Variants in MIA3 observed in about 807,000 individuals in gnomAD.
MIA3 encodes MIA SH3 domain ER export factor 3, also known as transport and Golgi organization protein 1 homolog.
A neutral mutation model predicts 192.4 loss-of-function variants in MIA3; 90 were observed. That is an observed-to-expected ratio of 0.47 (90% CI 0.39 to 0.56). The LOEUF is 0.56. MIA3 is among the 20% of genes least tolerant of loss of function. MIA3 has a pLI of 0.00. For missense variants in MIA3, 2,123 were observed against 2,269.4 expected (o/e 0.94, Z 1.31); for synonymous variants, 740 against 792.8 (o/e 0.93, Z 1.12).
rs955903547 is a variant in MIA3, at chr1:222,659,517, A to G, written c.4770+4A>G. ...AGAGCGGTCATTTAAAAACCAGGTA[A>G]TAATTCTAGTGCCCTACTATATAGT... On this transcript the variant is annotated splice_donor_region_variant and intron_variant, in intron 20 of 27. Transcript: ENST00000344922. 1.1e-5 allele frequency: 18 copies of G among 1,613,634 alleles called. No homozygotes were observed. The highest frequency in any genetic ancestry group is 1.7e-5 in the Admixed American group (1 of 59,998).
In MIA3 at chr1:222,627,874, T is replaced by C; in HGVS notation, c.654T>C (p.Asn218=). The change falls in exon 4 of 28, where the codon AAT becomes AAC. Residue 218 remains asparagine (N), a synonymous_variant. Coordinates refer to ENST00000344922, the MANE Select transcript of MIA3 (RefSeq NM_198551.4). ...ACTCCCATGCAAACAGCCAAGCAAA[T>C]CATGCTCAGGGAGAGCAGGCTTCAT... ...KHHSHANSQA[N]HAQGEQASFE... 1 of 1,614,026 alleles carries C rather than the reference T, an allele frequency of 6.2e-7. No homozygotes were observed. Among genetic ancestry groups the C allele is most frequent in the Non-Finnish European group, 8.5e-7 (1 of 1,180,004 alleles).
At chr1:222,622,212 T>A (rs1341343735) in intron 2 of MIA3, among the ~76,000 whole-genome samples, 3 of 152,164 alleles carry the variant, frequency 2.0e-5, no homozygotes, top group Non-Finnish European at 4.4e-5. Context: ...ATTTTATGGG[T>A]ACCCTGCTAT....
chr1:222,664,947 A>G, intron 27 of MIA3: 1 of 469,588 alleles, frequency 2.1e-6, no homozygotes, highest in Non-Finnish European at 4.4e-6. Flanking sequence ...GAATCCCAGC[A>G]TTCATTAGAC....
At chr1:222,650,521 C>T (rs2124903018) in intron 9 of MIA3, 113 bp from the exon 10 acceptor site, 2 of 866,192 alleles carry the variant, frequency 2.3e-6, no homozygotes, top group Middle Eastern at 3.2e-4. Flanking sequence ...AGATCTTAAG[C>T]AGTCATATGT....
In MIA3 at chr1:222,618,183, G is replaced by A. The variant is rs1558167442; in HGVS notation, c.73G>A (p.Asp25Asn). Residue 25 changes from aspartate (D) to asparagine (N), a missense_variant, in exon 1 of 28, where the codon GAC becomes AAC. Physicochemically the swap from Asp to Asn is conservative, Grantham distance 23 (BLOSUM62 1). Around this residue, in one of 3 missense-constraint regions of MIA3, gnomAD observed 1,357 missense variants for 1,396.1 expected, o/e 0.97. Transcript: ENST00000344922. ...GCCCTGGCGGGTGCCGGGCCAGCTGGACCCCAGCACTGGCCGGCGGTTCTC... is the reference window on the plus strand; with the variant it reads ...GCCCTGGCGGGTGCCGGGCCAGCTGAACCCCAGCACTGGCCGGCGGTTCTC... ...RLPWRVPGQL[D>N]PSTGRRFSEH... is the part of the protein sequence containing the mutation. The A allele has an allele frequency of 5.3e-6, 8 of 1,503,090 alleles. No individual in the cohort carries two copies. Among genetic ancestry groups the A allele is most frequent in the South Asian group, 1.2e-5 (1 of 80,826 alleles). 93.1% of individuals were successfully genotyped at this position (1,503,090 alleles called of 1,614,324 possible). A position where few individuals can be genotyped will look rare whatever the true frequency, so the allele number is the denominator to read the frequency against.
chr1:222,645,742 A>G, intron 7 of MIA3, 57 bp downstream of exon 7: 1 of 1,478,816 alleles, frequency 6.8e-7, no homozygotes, highest in Non-Finnish European at 9.3e-7. Flanking sequence ...TTATAATCAC[A>G]GTCCTTTTGT....
intron 6 of MIA3, chr1:222,644,722 T>A: frequency 1.0e-6 from 1 of 986,432 alleles, no homozygotes; most frequent in Non-Finnish European, 1.5e-6. Context: ...AAGACGTTTC[T>A]ATGCTGTTTA....
Position 222,653,267 on chromosome 1 carries a change from T to G in MIA3, c.4249T>G (p.Cys1417Gly). ...NCITQLNLLE[C>G]ESESEGQNKG... ...CATTACACAGTTGAATCTGTTAGAG[T>G]GTGAATCTGAATCTGAGGGTCAAAA... Residue 1417 changes from cysteine (C) to glycine (G), a missense_variant, in exon 15 of 28, where the codon TGT (cysteine) becomes GGT (glycine). Physicochemically the swap from Cys to Gly is radical, Grantham distance 159. Transcript: ENST00000344922. 1.2e-6 allele frequency: 2 copies of G among 1,613,948 alleles called. No individual in the cohort carries two copies. The highest frequency in any genetic ancestry group is 1.7e-6 in the Non-Finnish European group (2 of 1,179,858).
At position 222,662,285 on chromosome 1, in the gene MIA3, A is replaced by T. The variant is rs1664056661; in HGVS notation, c.5215A>T (p.Ser1739Cys). 2 of 1,613,988 alleles carry T rather than the reference A, an allele frequency of 1.2e-6. No individual in the cohort carries two copies. Among genetic ancestry groups the T allele is most frequent in the African/African-American group, 2.7e-5 (2 of 74,938 alleles). Residue 1739 changes from serine to cysteine, a missense_variant, in exon 26 of 28, where the codon AGC becomes TGC. Coordinates refer to ENST00000344922, the MANE Select transcript of MIA3 (RefSeq NM_198551.4). ...ATCTGGTACAGCTACCATGATGAAC[A>T]GCAGCTCAAGAGGCTCTTCCCCTAC... Reference protein sequence around the residue: ...PGSGTATMMNSSSRGSSPTRV... With the variant: ...PGSGTATMMNCSSRGSSPTRV...
intron 2 of MIA3, 30 bp from the exon 3 acceptor site, chr1:222,624,738 T>G: frequency 1.0e-6 from 1 of 989,998 alleles, no homozygotes. Context: ...TTGATTGATA[T>G]GTGTCCCTTT....
At position 222,627,569 on chromosome 1, in the gene MIA3, T is replaced by G; in HGVS notation, c.355-6T>G. ...TGACAGACTAATGTTTTTCTTTTTC[T>G]TACAGGAGACGGATTTTGTTTGTTT... is the stretch of plus-strand genomic sequence containing the variant. On this transcript the variant is annotated splice_region_variant and splice_polypyrimidine_tract_variant and intron_variant, in intron 3 of 27. Coordinates refer to ENST00000344922, the MANE Select transcript of MIA3 (RefSeq NM_198551.4). 1 of 1,564,412 alleles carries G rather than the reference T, an allele frequency of 6.4e-7. No individual in the cohort carries two copies.
intron 1 of MIA3, among the ~76,000 whole-genome samples, chr1:222,620,282 A>T (rs1661797243): frequency 6.6e-6 from 1 of 152,200 alleles, no homozygotes; most frequent in Admixed American, 6.5e-5. Context: ...TTACATGGGA[A>T]ACTGTGTATG....
intron 2 of MIA3, among the ~76,000 whole-genome samples, chr1:222,621,932 C>T (rs888950161): frequency 3.3e-5 from 5 of 152,084 alleles, no homozygotes; most frequent in African/African-American, 1.2e-4. Context: ...CCTCAGCCTC[C>T]CGAGTAGCTG....
At position 222,621,286 on chromosome 1, in the gene MIA3, T is replaced by C. The variant is rs748064494; in HGVS notation, c.261T>C (p.Ala87=). The C allele has an allele frequency of 1.2e-6, 2 of 1,605,572 alleles. No individual in the cohort carries two copies. The highest frequency in any genetic ancestry group is 1.7e-6 in the Non-Finnish European group (2 of 1,177,808). ...CAAGAGGATGGCCTGAAGTTTGGGC[T>C]GGAAGTGTAAGTAAAATATCGACAT... The part of the protein sequence containing the change: ...KLARGWPEVW[A]GSVGRTFGYF... The change falls in exon 2 of 28, where the codon GCT becomes GCC. Residue 87 remains alanine, a synonymous_variant. Transcript: ENST00000344922.
In MIA3 at chr1:222,660,079, C is replaced by G. The variant is rs1290731270; in HGVS notation, c.4975+73C>G. On this transcript the variant is annotated intron_variant, in intron 23 of 27. Coordinates refer to ENST00000344922, the MANE Select transcript of MIA3 (RefSeq NM_198551.4). ...AATGTATATAAGTGACTTTTTGTTT[C>G]TGTGTGTAATGGTTATGGTACCCTA... 23 of 1,583,980 alleles carry G rather than the reference C, an allele frequency of 1.5e-5. No homozygotes were observed. In the Admixed American group the frequency reaches 2.0e-4, roughly 14 times the overall value.
rs1386736408 is a variant in MIA3 at position 222,659,988 on chromosome 1, C to T, written c.4957C>T (p.Gln1653Ter). Reference protein sequence around the residue: ...VKPMPGKPNTQNPPRRGPLSQ... With the variant: ...VKPMPGKPNT ...ACCAATGCCAGGAAAACCAAATACA[C>T]AAAACCCTCCACGGAGAGGTAAGGG... The change falls in exon 23 of 28, where the codon CAA becomes TAA. Residue 1653 changes from glutamine (Q) to a stop codon, truncating the protein, a stop_gained. Transcript: ENST00000344922. LOFTEE classifies it high-confidence loss of function. 1 of 1,613,162 alleles carries T rather than the reference C, an allele frequency of 6.2e-7. No individual in the cohort carries two copies. Among genetic ancestry groups the T allele is most frequent in the Admixed American group, 1.7e-5 (1 of 59,982 alleles).
intron 6 of MIA3, among the ~76,000 whole-genome samples, chr1:222,645,093 A>C (rs1001804475): frequency 1.3e-4 from 20 of 152,230 alleles, no homozygotes; most frequent in African/African-American, 4.8e-4. Flanking sequence ...TTAAGATTTT[A>C]AATCTTAGAG....
At chr1:222,632,387 A>AT (rs1662439552) in intron 5 of MIA3, 61 bp downstream of exon 5, 12 of 1,418,280 alleles carry the variant, frequency 8.5e-6, no homozygotes, top group Non-Finnish European at 9.7e-6. Flanking sequence ...CTTCTAGGAG[A>AT]TTCATTGTCA....
In MIA3 at chr1:222,650,816, A is replaced by G. The variant is rs1188170793; in HGVS notation, c.3822A>G (p.Lys1274=). The G allele has an allele frequency of 6.2e-7, 1 of 1,609,692 alleles. No individual in the cohort carries two copies. Among genetic ancestry groups the G allele is most frequent in the South Asian group, 1.1e-5 (1 of 90,044 alleles). ...AGGATAAAATCAAGACACTTGAAAA[A>G]AATCAGGAAATTCTGGATGACACAG... ...KYKDKIKTLE[K]NQEILDDTAK... Residue 1274 remains lysine (K), a synonymous_variant, in exon 11 of 28, where the codon AAA becomes AAG. Transcript: ENST00000344922.
Sources: gnomAD v4.1 joint callset for allele counts (sites outside exome capture counted in the v4.1 genomes callset) on GRCh38, gnomAD v4.1.1 for gene constraint, gnomAD v4.1.1 regional missense constraint, MANE v1.5 for transcripts, NCBI Gene and HGNC (gene_info 2026-07-23, HGNC 2026-07-21) for gene names.